Variants in TUSC3 observed in about 807,000 individuals in gnomAD.
TUSC3 encodes dolichyl-diphosphooligosaccharide--protein glycosyltransferase subunit TUSC3.
In TUSC3, 45 loss-of-function variants were observed where a neutral mutation model predicts 44.8. The ratio of observed to expected loss-of-function variants is 1.00; its 90% confidence interval spans 0.79 to 1.29. TUSC3 has a LOEUF of 1.29. Ranked by LOEUF, TUSC3 falls within the 50% of genes most tolerant of loss-of-function variation. The pLI is 0.00. For synonymous variants in TUSC3, 212 were observed against 152.9 expected (o/e 1.39, Z -2.85); for missense variants, 519 against 437.9 (o/e 1.19, Z -1.65).
At chr8:15,569,257 A>G (rs1014533716) in intron 1 of TUSC3, among the ~76,000 whole-genome samples, 1 of 152,104 alleles carries the variant, frequency 6.6e-6, no homozygotes, top group African/African-American at 2.4e-5. Flanking sequence ...TCATTCTTCC[A>G]TTGCACTGTT....
At chr8:15,617,341 T>C (rs1456197664) in intron 1 of TUSC3, among the ~76,000 whole-genome samples, 1 of 151,846 alleles carries the variant, frequency 6.6e-6, no homozygotes, top group East Asian at 1.9e-4. Flanking sequence ...GGTTTCACCA[T>C]ATTGGCCGGG....
chr8:15,427,459 G>C (rs1799817776), intron 1 of TUSC3, among the ~76,000 whole-genome samples: 1 of 152,084 alleles, frequency 6.6e-6, no homozygotes, highest in South Asian at 2.1e-4. Context: ...GTAATGAGCA[G>C]CATCCCAGTA....
At chr8:15,617,207 T>G (rs1194859809) in intron 1 of TUSC3, among the ~76,000 whole-genome samples, 1 of 149,270 alleles carries the variant, frequency 6.7e-6, no homozygotes, top group Non-Finnish European at 1.5e-5. Context: ...TGGTGTGATC[T>G]CCGCTCACTG....
intron 6 of TUSC3, among the ~76,000 whole-genome samples, chr8:15,705,306 T>G (rs2129197184): frequency 6.6e-6 from 1 of 152,216 alleles, no homozygotes; most frequent in African/African-American, 2.4e-5. Flanking sequence ...AAAAAAGATT[T>G]ACTTTGAACA....
At chr8:15,544,603 A>G (rs765717076) in intron 1 of TUSC3, among the ~76,000 whole-genome samples, 2 of 151,906 alleles carry the variant, frequency 1.3e-5, no homozygotes, top group Admixed American at 6.6e-5. Context: ...TTATATTGGG[A>G]TGTATAATAT....
intron 5 of TUSC3, among the ~76,000 whole-genome samples, chr8:15,671,527 G>T (rs1000198415): frequency 1.3e-5 from 2 of 151,978 alleles, no homozygotes; most frequent in African/African-American, 2.4e-5. Context: ...AAGTGCCAGC[G>T]CTATGTGAGT....
At chr8:15,624,341 TG>T (rs1805394446) in intron 2 of TUSC3, among the ~76,000 whole-genome samples, 1 of 152,110 alleles carries the variant, frequency 6.6e-6, no homozygotes, top group Non-Finnish European at 1.5e-5. Context: ...CCACAGAGTG[TG>T]GTGGTTAGGT....
chr8:15,558,865 T>G (rs574972428), intron 1 of TUSC3, among the ~76,000 whole-genome samples: 4 of 151,166 alleles, frequency 2.6e-5, no homozygotes, highest in Admixed American at 2.0e-4. Context: ...CCCTTTATCA[T>G]TTTTTATTGC....
At chr8:15,808,912 C>T in the TUSC3 span, among the ~76,000 whole-genome samples, 2 of 152,052 alleles carry the variant, frequency 1.3e-5, no homozygotes, top group Non-Finnish European at 2.9e-5. Flanking sequence ...ATTATACACA[C>T]ACACATATAA....
In TUSC3 at chr8:15,467,199, C is replaced by T. The variant is rs188286222; in HGVS notation, n.92-16187C>T. On this transcript the variant is annotated intron_variant and non_coding_transcript_variant, in intron 1 of 5. Coordinates refer to the TUSC3 transcript ENST00000503191. ...GTGTTTTAAGGGTAGTCAACAAGTA[C>T]GTGCACTACGGTGCTATTCTACTTG... Among the ~76,000 whole-genome samples the T allele has an allele frequency of 1.9e-4, 28 of 150,296 alleles. 1 individual carries two copies. The highest frequency in any genetic ancestry group is 6.1e-4 in the African/African-American group (25 of 40,932).
chr8:15,640,141 C>CT (rs947925977), intron 2 of TUSC3, among the ~76,000 whole-genome samples: 2 of 152,218 alleles, frequency 1.3e-5, no homozygotes, highest in East Asian at 1.9e-4. Flanking sequence ...TGAACACCTG[C>CT]TTTTTTTGTG....
At chr8:15,664,494 T>C (rs1016749826) in intron 5 of TUSC3, among the ~76,000 whole-genome samples, 2 of 148,612 alleles carry the variant, frequency 1.3e-5, no homozygotes, top group African/African-American at 4.9e-5. Flanking sequence ...GCTCTTTTAC[T>C]GTGAATCTTG....
chr8:15,515,691 G>C (rs548355596), intron 2 of TUSC3, among the ~76,000 whole-genome samples: 2 of 151,476 alleles, frequency 1.3e-5, no homozygotes, highest in Admixed American at 6.6e-5. Context: ...TTTTTGAGAC[G>C]GAGTCTCACT....
intron 1 of TUSC3, among the ~76,000 whole-genome samples, chr8:15,481,783 T>C (rs910909917): frequency 1.3e-5 from 2 of 152,184 alleles, no homozygotes; most frequent in African/African-American, 4.8e-5. Flanking sequence ...CAAATCATAA[T>C]CTTTTTGCCG....
At chr8:15,792,309 A>G in the TUSC3 span, among the ~76,000 whole-genome samples, 1 of 152,252 alleles carries the variant, frequency 6.6e-6, no homozygotes, top group African/African-American at 2.4e-5. Flanking sequence ...TAAGTCAACA[A>G]GAAACATGCA....
intron 1 of TUSC3, among the ~76,000 whole-genome samples, chr8:15,618,224 C>T (rs752765969): frequency 6.6e-6 from 1 of 152,142 alleles, no homozygotes; most frequent in Admixed American, 6.5e-5. Context: ...ACACTGCACG[C>T]TTAGGCTTTA....
chr8:15,738,827 C>CTTTTTTTTTTCTTTTTTTTTTT (rs1373248681), intron 7 of TUSC3, among the ~76,000 whole-genome samples: 3 of 87,194 alleles, frequency 3.4e-5, no homozygotes, highest in Admixed American at 3.1e-4. Flanking sequence ...ATATATCTTG[C>CTTTTTTTTTTCTTTTTTTTTTT]TTTTTTTTTT....
intron 2 of TUSC3, among the ~76,000 whole-genome samples, chr8:15,639,010 A>C (rs1290512797): frequency 6.8e-6 from 1 of 147,308 alleles, no homozygotes; most frequent in East Asian, 2.0e-4. Flanking sequence ...AGTGATGATG[A>C]TCATGTGTCG....
At position 15,592,836 on chromosome 8, in the gene TUSC3, T is replaced by C. The variant is rs544690866; in HGVS notation, c.139-30244T>C. Among the ~76,000 whole-genome samples, 6 of 152,260 alleles carry C rather than the reference T, an allele frequency of 3.9e-5. No individual in the cohort carries two copies. The East Asian group carries it at 1.2e-3, about 29-fold the overall frequency. On this transcript the variant is annotated intron_variant, in intron 1 of 10. Coordinates refer to ENST00000503731, the MANE Select transcript of TUSC3 (RefSeq NM_006765.4). Reference sequence around the variant, plus strand: ...GTGATACAGGTACCCTTAATCCTCATTTTAAAGATGAGGAAAACGAGGCAG... The same window carrying C: ...GTGATACAGGTACCCTTAATCCTCACTTTAAAGATGAGGAAAACGAGGCAG...
Sources: allele counts gnomAD v4.1 joint callset (sites outside exome capture counted in the v4.1 genomes callset), GRCh38; gene constraint gnomAD v4.1.1; transcripts MANE v1.5; gene names NCBI Gene and HGNC (gene_info 2026-07-23, HGNC 2026-07-21).